ZNF679: variants seen among roughly 807,000 people sequenced by gnomAD.
The protein encoded by ZNF679 is hypothetical protein MGC42415.
Under a neutral mutation model 13.4 loss-of-function variants are expected in ZNF679, and 10 were observed. That is an observed-to-expected ratio of 0.75 (90% CI 0.46 to 1.27). ZNF679 has a LOEUF of 1.27. Ranked by LOEUF, ZNF679 falls within the 50% of genes most tolerant of loss-of-function variation. The probability of loss-of-function intolerance (pLI) is 0.00; values close to 1 mark genes in which losing one functional copy is unlikely to be tolerated. For missense variants in ZNF679, 525 were observed against 477.8 expected (o/e 1.10, Z -0.92); for synonymous variants, 179 against 162.5 (o/e 1.10, Z -0.77).
chr7:64,261,613 G>A (rs1286023023), intron 4 of ZNF679, among the ~76,000 whole-genome samples: 2 of 151,806 alleles, frequency 1.3e-5, no homozygotes, highest in African/African-American at 4.8e-5. Context: ...TTTTATGATA[G>A]CTGCATCTTT....
At chr7:64,256,521 A>G (rs1248942279) in intron 2 of ZNF679, among the ~76,000 whole-genome samples, 4 of 152,214 alleles carry the variant, frequency 2.6e-5, no homozygotes, top group Admixed American at 2.0e-4. Context: ...AAACAAATTT[A>G]TACGCTCTCC....
At chr7:64,254,082 C>T (rs1401782679) in intron 2 of ZNF679, among the ~76,000 whole-genome samples, 1 of 151,850 alleles carries the variant, frequency 6.6e-6, no homozygotes, top group Non-Finnish European at 1.5e-5. Context: ...TTGCTGAAGA[C>T]CACAAAGGAT....
intron 1 of ZNF679, among the ~76,000 whole-genome samples, chr7:64,236,112 A>G (rs1486349802): frequency 6.6e-6 from 1 of 151,910 alleles, no homozygotes; most frequent in African/African-American, 2.4e-5. Flanking sequence ...TAAAAATACA[A>G]AAATTAGCCT....
chr7:64,237,999 A>G (rs896187168), intron 1 of ZNF679, among the ~76,000 whole-genome samples: 2 of 152,194 alleles, frequency 1.3e-5, no homozygotes, highest in East Asian at 1.9e-4. Flanking sequence ...TGTAAGAACA[A>G]CTTACTGCAA....
At position 64,266,912 on chromosome 7, in the gene ZNF679, A is replaced by C. The variant is rs1195709047; in HGVS notation, c.*43A>C. The C allele has an allele frequency of 6.8e-7, 1 of 1,469,206 alleles. No individual in the cohort carries two copies. The highest frequency in any genetic ancestry group is 9.0e-7 in the Non-Finnish European group (1 of 1,112,680). 91.0% of individuals were successfully genotyped at this position (1,469,206 alleles called of 1,614,324 possible). Reference sequence around the variant, plus strand: ...TTCAGACCTTATAATACATAAAATAATTTATACTTGAAAAAATCACTACAA... The same window carrying C: ...TTCAGACCTTATAATACATAAAATACTTTATACTTGAAAAAATCACTACAA... On this transcript the variant is annotated 3_prime_UTR_variant, in exon 5 of 5. Transcript: ENST00000421025.
chr7:64,231,965 C>G (rs1005037), intron 1 of ZNF679, among the ~76,000 whole-genome samples: 45,186 of 152,154 alleles, frequency 0.3, 6,857 homozygotes, highest in Middle Eastern at 0.32. Flanking sequence ...TCTATGCATG[C>G]AATTCACAAT....
chr7:64,261,178 T>C (rs1788072427), intron 4 of ZNF679, among the ~76,000 whole-genome samples: 1 of 152,206 alleles, frequency 6.6e-6, no homozygotes. Flanking sequence ...AAAGTTTTCT[T>C]TATGGCTTAT....
In ZNF679 at chr7:64,266,834, A is replaced by T. The variant is rs571908143; in HGVS notation, c.1201A>T (p.Met401Leu). 997 of 1,592,990 alleles carry T rather than the reference A, an allele frequency of 6.3e-4. 1 individual carries two copies. Among genetic ancestry groups the T allele is most frequent in the Non-Finnish European group, 8.2e-4 (953 of 1,169,066 alleles). Residue 401 changes from methionine to leucine, a missense_variant, in exon 5 of 5, where the codon ATG becomes TTG. Transcript: ENST00000421025. ...CTCAAGTCTTGCTAATCATAAGAGT[A>T]TGCATACTGGAGAGAAACCCTACAA... is the stretch of plus-strand genomic sequence containing the variant. Reference protein sequence around the residue: ...WSSSLANHKSMHTGEKPYKCE With the variant: ...WSSSLANHKSLHTGEKPYKCE
chr7:64,259,057 G>T (rs1215006193), intron 2 of ZNF679, among the ~76,000 whole-genome samples: 1 of 151,888 alleles, frequency 6.6e-6, no homozygotes, highest in African/African-American at 2.4e-5. Flanking sequence ...GATTACAGGT[G>T]CCTGCCACCA....
chr7:64,234,100 T>TGA (rs113864475), intron 1 of ZNF679, among the ~76,000 whole-genome samples: 6,036 of 152,102 alleles, frequency 0.04, 187 homozygotes, highest in East Asian at 0.16. Flanking sequence ...AGAACAGGGC[T>TGA]GTTCCAGATC....
chr7:64,260,656 T>C (rs1370165174), intron 3 of ZNF679, among the ~76,000 whole-genome samples, 178 bp from the exon 4 acceptor site: 1 of 152,176 alleles, frequency 6.6e-6, no homozygotes, highest in Non-Finnish European at 1.5e-5. Context: ...TAGTACTGAG[T>C]AGTGAAATTA....
intron 1 of ZNF679, among the ~76,000 whole-genome samples, chr7:64,230,016 G>A (rs1054471125): frequency 1.2e-4 from 19 of 152,278 alleles, no homozygotes; most frequent in Admixed American, 3.9e-4. Flanking sequence ...TCCCACTGTC[G>A]GCATGGCCCA....
At chr7:64,262,520 T>C (rs1788092090) in intron 4 of ZNF679, among the ~76,000 whole-genome samples, 1 of 152,228 alleles carries the variant, frequency 6.6e-6, no homozygotes, top group Non-Finnish European at 1.5e-5. Flanking sequence ...CATCCAAGTT[T>C]ATTTTTTCAA....
intron 1 of ZNF679, among the ~76,000 whole-genome samples, chr7:64,245,043 T>C (rs1393684903): frequency 6.6e-6 from 1 of 152,164 alleles, no homozygotes; most frequent in African/African-American, 2.4e-5. Context: ...TTTAGCTTTT[T>C]GAGATGGAGT....
At chr7:64,249,005 C>T (rs1394644680) in intron 1 of ZNF679, 23 bp from the exon 2 acceptor site, 9 of 1,505,132 alleles carry the variant, frequency 6.0e-6, no homozygotes, top group Non-Finnish European at 8.2e-6. Context: ...TTTTCCGGGT[C>T]CTTTGTGTTT....
intron 1 of ZNF679, among the ~76,000 whole-genome samples, chr7:64,247,378 G>A (rs543067473): frequency 1.3e-4 from 20 of 152,158 alleles, no homozygotes; most frequent in Non-Finnish European, 2.6e-4. Context: ...CAGAGTGCTG[G>A]AATGTGGCTG....
chr7:64,243,896 A>T (rs1224695566), intron 1 of ZNF679, among the ~76,000 whole-genome samples: 5 of 152,064 alleles, frequency 3.3e-5, no homozygotes, highest in African/African-American at 9.7e-5. Flanking sequence ...ATATTGTGGC[A>T]CCTCCTCTGT....
rs754800851 is a variant in ZNF679 at position 64,266,644 on chromosome 7, A to G, written c.1011A>G (p.Ser337=). 19 of 1,610,434 alleles carry G rather than the reference A, an allele frequency of 1.2e-5. No individual in the cohort carries two copies. The highest frequency in any genetic ancestry group is 1.5e-5 in the Non-Finnish European group (18 of 1,177,024). ...EECGKAFNCS[S]TLKKHKIIHT... is the part of the protein sequence containing the mutation. ...GTGGCAAAGCCTTTAACTGCTCCTCAACCCTTAAGAAACATAAGATAATTC... is the reference window on the plus strand; with the variant it reads ...GTGGCAAAGCCTTTAACTGCTCCTCGACCCTTAAGAAACATAAGATAATTC... Residue 337 remains serine, a synonymous_variant, in exon 5 of 5, where the codon TCA becomes TCG. Coordinates refer to ENST00000421025, the MANE Select transcript of ZNF679 (RefSeq NM_153363.3).
chr7:64,234,764 T>A (rs940343089), intron 1 of ZNF679, among the ~76,000 whole-genome samples: 1 of 152,194 alleles, frequency 6.6e-6, no homozygotes, highest in Non-Finnish European at 1.5e-5. Flanking sequence ...TATGGAGCAA[T>A]AGAAGACTAA....
Sources: gnomAD v4.1 joint callset for allele counts (sites outside exome capture counted in the v4.1 genomes callset) on GRCh38, gnomAD v4.1.1 for gene constraint, MANE v1.5 for transcripts, NCBI Gene and HGNC (gene_info 2026-07-23, HGNC 2026-07-21) for gene names.